Variants in SLC35D4 observed in about 807,000 individuals in gnomAD.
SLC35D4 encodes the protein UDP-N-acetylglucosamine transporter SLC35D4.
At chr18:23,397,914 G>C in the SLC35D4 span, among the ~76,000 whole-genome samples, 1 of 152,126 alleles carries the variant, frequency 6.6e-6, no homozygotes, top group Non-Finnish European at 1.5e-5. Context: ...ATAGCTGGGT[G>C]TATTGGCAAG....
the SLC35D4 span, among the ~76,000 whole-genome samples, chr18:23,393,249 C>T: frequency 4.6e-5 from 7 of 151,690 alleles, no homozygotes; most frequent in Non-Finnish European, 1.0e-4. Context: ...GTAAAATATA[C>T]ATCACAAAAA....
the SLC35D4 span, chr18:23,309,861 C>T: frequency 3.6e-5 from 34 of 954,638 alleles, no homozygotes; most frequent in African/African-American, 3.4e-4. Flanking sequence ...TCAGGCACTT[C>T]GTTCCACTTC....
chr18:23,365,681 C>T, the SLC35D4 span: 4 of 1,613,222 alleles, frequency 2.5e-6, no homozygotes, highest in East Asian at 2.2e-5. Flanking sequence ...GGAAAAGAGA[C>T]AGCAAAGTAG....
chr18:23,382,083 AC>A, the SLC35D4 span, among the ~76,000 whole-genome samples: 4 of 151,940 alleles, frequency 2.6e-5, no homozygotes, highest in African/African-American at 9.7e-5. Context: ...TACTAAAAAT[AC>A]AAAAAATTAG....
chr18:23,322,475 G>A, the SLC35D4 span, among the ~76,000 whole-genome samples: 1 of 152,312 alleles, frequency 6.6e-6, no homozygotes, highest in East Asian at 1.9e-4. Context: ...TTTTGGACTT[G>A]CAATCTTCCT....
At chr18:23,386,707 T>A in the SLC35D4 span, among the ~76,000 whole-genome samples, 4 of 110,182 alleles carry the variant, frequency 3.6e-5, no homozygotes, top group Admixed American at 1.2e-4. Context: ...TTTGAATAAC[T>A]GGATAAACTC....
chr18:23,361,091 G>A, the SLC35D4 span, among the ~76,000 whole-genome samples: 2 of 103,246 alleles, frequency 1.9e-5, no homozygotes, highest in East Asian at 3.0e-4. Flanking sequence ...AAGAGAGTTC[G>A]AGACTTTGTC....
chr18:23,287,704 C>T, the SLC35D4 span, among the ~76,000 whole-genome samples: 1 of 152,240 alleles, frequency 6.6e-6, no homozygotes, highest in African/African-American at 2.4e-5. Flanking sequence ...TTCCCCACTC[C>T]TCTTTCCATT....
At chr18:23,276,800 C>A in the SLC35D4 span, among the ~76,000 whole-genome samples, 5 of 152,326 alleles carry the variant, frequency 3.3e-5, no homozygotes, top group East Asian at 9.7e-4. Context: ...CATTCCCCTG[C>A]CTCCCCTTGC....
At chr18:23,319,244 CTTTATTTATTTATTTATTTATTTA>C in the SLC35D4 span, among the ~76,000 whole-genome samples, 10 of 147,298 alleles carry the variant, frequency 6.8e-5, no homozygotes, top group Non-Finnish European at 1.0e-4. Flanking sequence ...TATTTCAGTG[CTTTATTTATTTATTTATTTATTTA>C]TTTATTTATT....
chr18:23,352,386 A>C, the SLC35D4 span: 1 of 922,930 alleles, frequency 1.1e-6, no homozygotes, highest in African/African-American at 1.7e-5. Flanking sequence ...ATTTCAAATT[A>C]TTATGCAACC....
the SLC35D4 span, among the ~76,000 whole-genome samples, chr18:23,426,822 A>G: frequency 6.6e-6 from 1 of 152,228 alleles, no homozygotes; most frequent in East Asian, 1.9e-4. Context: ...AAACAGATAT[A>G]TAGACCAATG....
chr18:23,276,139 G>C, the SLC35D4 span, among the ~76,000 whole-genome samples: 4 of 151,734 alleles, frequency 2.6e-5, no homozygotes, highest in East Asian at 1.9e-4. Context: ...CCAGCCTGGA[G>C]TGCAGTGGCG....
At chr18:23,378,146 G>A in the SLC35D4 span, among the ~76,000 whole-genome samples, 2 of 151,452 alleles carry the variant, frequency 1.3e-5, no homozygotes, top group African/African-American at 4.9e-5. Context: ...AGCCTCCTGA[G>A]TAGCTAGGAC....
the SLC35D4 span, among the ~76,000 whole-genome samples, chr18:23,334,055 G>C: frequency 6.6e-6 from 1 of 152,100 alleles, no homozygotes; most frequent in Non-Finnish European, 1.5e-5. Flanking sequence ...GGGAAGTATA[G>C]TTACCTGATT....
At chr18:23,365,527 TG>T in the SLC35D4 span, 2 of 1,329,088 alleles carry the variant, frequency 1.5e-6, no homozygotes, top group Non-Finnish European at 2.1e-6. Flanking sequence ...TCAGTCATCC[TG>T]GGGGGCAATG....
chr18:23,420,523 A>G, the SLC35D4 span, among the ~76,000 whole-genome samples: 1 of 151,738 alleles, frequency 6.6e-6, no homozygotes, highest in Admixed American at 6.6e-5. Flanking sequence ...ACAGGCATGC[A>G]CCACACCTGG....
At chr18:23,294,630 G>A in the SLC35D4 span, among the ~76,000 whole-genome samples, 4 of 152,184 alleles carry the variant, frequency 2.6e-5, no homozygotes, top group African/African-American at 9.6e-5. Context: ...GGAGTGGTAC[G>A]TGCCTGTAGT....
At chr18:23,247,999 C>CG in the SLC35D4 span, among the ~76,000 whole-genome samples, 2 of 152,232 alleles carry the variant, frequency 1.3e-5, no homozygotes, top group Admixed American at 6.5e-5. Context: ...TGTCAGGAAA[C>CG]GGAGTCCCCA....
Sources: gnomAD v4.1 joint callset for allele counts (sites outside exome capture counted in the v4.1 genomes callset) on GRCh38, gnomAD v4.1.1 for gene constraint, MANE v1.5 for transcripts, NCBI Gene and HGNC (gene_info 2026-07-23, HGNC 2026-07-21) for gene names.